TSC22D1: variants seen among roughly 807,000 people sequenced by gnomAD.
The protein encoded by TSC22D1 is TSC22 domain family member 1.
A neutral mutation model predicts 74.2 loss-of-function variants in TSC22D1; 9 were observed. The observed-to-expected ratio is 0.12, with a 90% CI of 0.07 to 0.21. The LOEUF is 0.21. TSC22D1 is among the 10% of genes least tolerant of loss of function. The pLI is 1.00. For missense variants in TSC22D1, 1,427 were observed against 1,304.7 expected (o/e 1.09, Z -1.44); for synonymous variants, 586 against 492.5 (o/e 1.19, Z -2.51).
chr13:44,455,779 C>A (rs1876551087), intron 1 of TSC22D1, among the ~76,000 whole-genome samples: 1 of 152,186 alleles, frequency 6.6e-6, no homozygotes, highest in South Asian at 2.1e-4. Context: ...GTGCACCGAA[C>A]ACACTCATTT....
chr13:44,522,222 G>C (rs1266269091), intron 1 of TSC22D1, among the ~76,000 whole-genome samples: 1 of 152,120 alleles, frequency 6.6e-6, no homozygotes, highest in Non-Finnish European at 1.5e-5. Context: ...CACATTCAGA[G>C]ACTAAATGAG....
intron 1 of TSC22D1, chr13:44,437,330 C>G: frequency 3.3e-6 from 3 of 901,432 alleles, no homozygotes; most frequent in Non-Finnish European, 4.0e-6. Flanking sequence ...TTATCTAGTT[C>G]TTACCGGCAG....
At chr13:44,485,071 T>C (rs1878364120) in intron 1 of TSC22D1, among the ~76,000 whole-genome samples, 1 of 151,982 alleles carries the variant, frequency 6.6e-6, no homozygotes, top group Non-Finnish European at 1.5e-5. Flanking sequence ...AATATTGGAG[T>C]CCATCCTCTT....
At chr13:44,557,629 T>C (rs181361098) in intron 1 of TSC22D1, among the ~76,000 whole-genome samples, 2 of 152,180 alleles carry the variant, frequency 1.3e-5, no homozygotes, top group Admixed American at 6.5e-5. Context: ...CAATAATAAA[T>C]ATGATGTGAA....
At chr13:44,533,183 A>G (rs190110318) in intron 1 of TSC22D1, among the ~76,000 whole-genome samples, 14 of 152,216 alleles carry the variant, frequency 9.2e-5, no homozygotes, top group African/African-American at 3.1e-4. Context: ...ATGATTAGCC[A>G]GGCATGATGG....
At chr13:44,441,313 T>C (rs6561176) in intron 1 of TSC22D1, among the ~76,000 whole-genome samples, 16,824 of 152,242 alleles carry the variant, frequency 0.11, 985 homozygotes, top group African/African-American at 0.14. Context: ...AGGGCACAGG[T>C]GAGCTACTGA....
chr13:44,461,768 A>C (rs1471177779), intron 1 of TSC22D1, among the ~76,000 whole-genome samples: 3 of 152,108 alleles, frequency 2.0e-5, no homozygotes, highest in African/African-American at 7.2e-5. Flanking sequence ...AGGAATCCGA[A>C]ATTCACCCCA....
At position 44,539,709 on chromosome 13, in the gene TSC22D1, C is replaced by T. The variant is rs549017291; in HGVS notation, c.2912+33454G>A. ...GGAGTTTACCACAGAATTAAATGGG[C>T]AATGGAAGGACACTCCAATCTATAA... On this transcript the variant is annotated intron_variant, in intron 1 of 2. Coordinates refer to ENST00000458659, the MANE Select transcript of TSC22D1 (RefSeq NM_183422.4). 1.6e-5 allele frequency: 19 copies of T among 1,197,550 alleles called. No individual in the cohort carries two copies. In the African/African-American group the frequency reaches 2.2e-4, roughly 14 times the overall value. The allele number at this position is 1,197,550 out of a possible 1,614,324, so 74.2% of individuals were successfully genotyped here.
chr13:44,486,001 T>G (rs1208390307), intron 1 of TSC22D1, among the ~76,000 whole-genome samples: 2 of 151,944 alleles, frequency 1.3e-5, no homozygotes, highest in Non-Finnish European at 2.9e-5. Flanking sequence ...AAAGGAACAT[T>G]AATACATAGC....
intron 1 of TSC22D1, among the ~76,000 whole-genome samples, chr13:44,562,216 A>G (rs533163937): frequency 1.1e-4 from 16 of 151,624 alleles, no homozygotes; most frequent in Non-Finnish European, 2.2e-4. Flanking sequence ...TAATTTCTGT[A>G]TTTTTTTTGT....
chr13:44,457,931 T>A (rs1210077244), intron 1 of TSC22D1, among the ~76,000 whole-genome samples: 1 of 152,226 alleles, frequency 6.6e-6, no homozygotes, highest in Non-Finnish European at 1.5e-5. Context: ...AGTTATCTAT[T>A]ACACATACAT....
At chr13:44,507,615 G>A (rs1879501435) in intron 1 of TSC22D1, among the ~76,000 whole-genome samples, 1 of 152,068 alleles carries the variant, frequency 6.6e-6, no homozygotes, top group African/African-American at 2.4e-5. Flanking sequence ...AGATGAAGCT[G>A]CAATATAAAC....
At position 44,574,605 on chromosome 13, in the gene TSC22D1, T is replaced by G; in HGVS notation, c.1470A>C (p.Gly490=). ...GCTGCTGCACCACCACAGTAGGGGC[T>G]CCCATCTCTCCACTTCCCACACTCT... ...YTESVGSGEM[G]APTVVVQQQQ... is the part of the protein sequence containing the mutation. The change falls in exon 1 of 3, where the codon GGA becomes GGC. Residue 490 remains glycine, a synonymous_variant. Coordinates refer to ENST00000458659, the MANE Select transcript of TSC22D1 (RefSeq NM_183422.4). The G allele has an allele frequency of 6.2e-7, 1 of 1,614,000 alleles. No individual in the cohort carries two copies.
At chr13:44,524,688 C>T (rs1319420736) in intron 1 of TSC22D1, among the ~76,000 whole-genome samples, 1 of 152,102 alleles carries the variant, frequency 6.6e-6, no homozygotes, top group Non-Finnish European at 1.5e-5. Context: ...TAACAGCACC[C>T]GCCATGCCCA....
At chr13:44,458,956 C>T (rs529897474) in intron 1 of TSC22D1, among the ~76,000 whole-genome samples, 25 of 152,110 alleles carry the variant, frequency 1.6e-4, no homozygotes, top group Non-Finnish European at 2.9e-5. Flanking sequence ...ATGTTGATGG[C>T]GGGAGGCAGA....
Position 44,474,260 on chromosome 13 carries a change from G to C in TSC22D1, c.2913-38165C>G, listed in dbSNP as rs1877768335. On this transcript the variant is annotated intron_variant, in intron 1 of 2. Coordinates refer to ENST00000458659, the MANE Select transcript of TSC22D1 (RefSeq NM_183422.4). ...ACTATAGGAAAAGCTTCACGCTACA[G>C]ACTATGGTGGCTTTCTTGGGCCTCT... The C allele has an allele frequency of 1.4e-5, 14 of 985,288 alleles. No individual in the cohort carries two copies. In the South Asian group the frequency reaches 5.2e-4, roughly 36 times the overall value. 61.0% of individuals were successfully genotyped at this position (985,288 alleles called of 1,614,324 possible). A position where few individuals can be genotyped will look rare whatever the true frequency, so the allele number is the denominator to read the frequency against.
At chr13:44,550,586 G>GAA (rs372509812) in intron 1 of TSC22D1, among the ~76,000 whole-genome samples, 16 of 129,176 alleles carry the variant, frequency 1.2e-4, no homozygotes, top group Admixed American at 3.1e-4. Flanking sequence ...CTGTCTCGGG[G>GAA]AAAAAAAAAA....
Position 44,437,043 on chromosome 13 carries a change from G to C in TSC22D1, c.2913-948C>G, listed in dbSNP as rs1036931966. The C allele has an allele frequency of 4.1e-6, 4 of 979,400 alleles. No homozygotes were observed. In the African/African-American group the frequency reaches 5.2e-5, roughly 13 times the overall value. The allele number at this position is 979,400 out of a possible 1,614,324, so 60.7% of individuals were successfully genotyped here. On this transcript the variant is annotated intron_variant, in intron 1 of 2. Coordinates refer to ENST00000458659, the MANE Select transcript of TSC22D1 (RefSeq NM_183422.4). ...CTCGTGGGGTGGGCTGGCCTGGCGC[G>C]GGCCGTGCTCAGAGGGAGTGGGGTG...
At chr13:44,524,526 C>A (rs1880459825) in intron 1 of TSC22D1, among the ~76,000 whole-genome samples, 2 of 152,092 alleles carry the variant, frequency 1.3e-5, no homozygotes, top group Non-Finnish European at 2.9e-5. Context: ...CCTTAAGGGG[C>A]TCCCCACACT....
Sources: gnomAD v4.1 joint callset for allele counts (sites outside exome capture counted in the v4.1 genomes callset) on GRCh38, gnomAD v4.1.1 for gene constraint, MANE v1.5 for transcripts, NCBI Gene and HGNC (gene_info 2026-07-23, HGNC 2026-07-21) for gene names.